ITPRIP: variants seen among roughly 807,000 people sequenced by gnomAD.
ITPRIP encodes the protein inositol 1,4,5-trisphosphate receptor-interacting protein.
ITPRIP carries 32 observed loss-of-function variants against 35.8 expected under a neutral mutation model. The ratio of observed to expected loss-of-function variants is 0.89; its 90% confidence interval spans 0.68 to 1.20. ITPRIP has a LOEUF of 1.20. ITPRIP is among the 50% of genes most tolerant of loss of function. The pLI is 0.00. For synonymous variants in ITPRIP, 358 were observed against 324.0 expected, an observed-to-expected ratio of 1.11 and a Z score of -1.13; for missense variants, 653 against 735.6, an observed-to-expected ratio of 0.89 and a Z score of 1.30.
At chr10:104,325,037 G>A (rs953054824) in intron 1 of ITPRIP, among the ~76,000 whole-genome samples, 3 of 152,140 alleles carry the variant, frequency 2.0e-5, no homozygotes, top group African/African-American at 4.8e-5. Flanking sequence ...TGGCAACATG[G>A]CGAAGCCCCG....
rs1451276483 is a variant in ITPRIP, at chr10:104,315,600, C to T, written c.452G>A (p.Arg151Gln). ...ACGGGCTGCATCGGCCGTGGCCCCCCGGATGCAGCGCTCATAAAAGTGGCC... is the reference window on the plus strand; with the variant it reads ...ACGGGCTGCATCGGCCGTGGCCCCCTGGATGCAGCGCTCATAAAAGTGGCC... ...TLGHFYERCI[R>Q]GATADAARTR... is the part of the protein sequence containing the mutation. The change falls in exon 2 of 2, where the codon CGG (arginine) becomes CAG (glutamine). Residue 151 changes from arginine to glutamine, a missense_variant. Physicochemically the swap from Arg to Gln is conservative, Grantham distance 43. Coordinates refer to ENST00000337478, the MANE Select transcript of ITPRIP (RefSeq NM_001272013.2). The surrounding 1 kb of genome is among the most constrained non-coding windows in gnomAD (Gnocchi z 5.7). 9 of 1,613,402 alleles carry T rather than the reference C, an allele frequency of 5.6e-6. No individual in the cohort carries two copies. The highest frequency in any genetic ancestry group is 2.2e-5 in the East Asian group (1 of 44,874).
At position 104,314,890 on chromosome 10, in the gene ITPRIP, C is replaced by T; in HGVS notation, c.1162G>A (p.Glu388Lys). 1 of 1,613,674 alleles carries T rather than the reference C, an allele frequency of 6.2e-7. No homozygotes were observed. The highest frequency in any genetic ancestry group is 1.3e-5 in the African/African-American group (1 of 75,040). ...TDWLLSFAVY[E>K]RHFLRTTLKA... ...AGTGTCGTCCTGAGGAAGTGTCGCT[C>T]ATAGACAGCAAAGGACAGGAGCCAG... is the stretch of plus-strand genomic sequence containing the variant. Residue 388 changes from glutamate to lysine, a missense_variant, in exon 2 of 2, where the codon GAG (glutamate) becomes AAG (lysine). Transcript: ENST00000337478.
chr10:104,330,890 A>G (rs1230366368), intron 1 of ITPRIP, among the ~76,000 whole-genome samples: 1 of 152,180 alleles, frequency 6.6e-6, no homozygotes, highest in Non-Finnish European at 1.5e-5. Flanking sequence ...TACTCTTCCC[A>G]TGAAGCCACG....
chr10:104,336,540 G>A (rs1011938477), intron 1 of ITPRIP, among the ~76,000 whole-genome samples: 1 of 151,352 alleles, frequency 6.6e-6, no homozygotes, highest in Non-Finnish European at 1.5e-5. Flanking sequence ...TTAAAGACAG[G>A]GTCTGAACTC....
rs1226375581 is a variant in ITPRIP at position 104,328,363 on chromosome 10, G to A, written c.-14+9883C>T. ...GAGCATGAATACCCACCTTGGGGCA[G>A]GACATGCCAGAGTTCCCAAGAGTCG... On this transcript the variant is annotated intron_variant, in intron 1 of 1. Transcript: ENST00000337478. The surrounding 1 kb of genome is among the most constrained non-coding windows in gnomAD (Gnocchi z 4.1). 3 of 870,094 alleles carry A rather than the reference G, an allele frequency of 3.4e-6. No individual in the cohort carries two copies. The highest frequency in any genetic ancestry group is 4.1e-6 in the Non-Finnish European group (3 of 724,974). 53.9% of individuals were successfully genotyped at this position (870,094 alleles called of 1,614,324 possible).
rs775086839 is a variant in ITPRIP, at chr10:104,313,400, T to C, written c.*1008A>G. The C allele has an allele frequency of 1.1e-5, 11 of 986,188 alleles. No homozygotes were observed. Among genetic ancestry groups the C allele is most frequent in the Non-Finnish European group, 1.3e-5 (11 of 830,252 alleles). The allele number at this position is 986,188 out of a possible 1,614,324, so 61.1% of individuals were successfully genotyped here. On this transcript the variant is annotated 3_prime_UTR_variant, in exon 2 of 2. Transcript: ENST00000337478. Reference sequence around the variant, plus strand: ...GCCAGAAGAGGTTGAGAGGCTTGGCTCTGCGCACAGCCTCTGGGAGTGCCA... The same window carrying C: ...GCCAGAAGAGGTTGAGAGGCTTGGCCCTGCGCACAGCCTCTGGGAGTGCCA...
intron 1 of ITPRIP, among the ~76,000 whole-genome samples, chr10:104,330,542 AC>A (rs2014128902): frequency 6.6e-6 from 1 of 152,058 alleles, no homozygotes; most frequent in Non-Finnish European, 1.5e-5. Flanking sequence ...TGCCGTGGAC[AC>A]CTCCCTTCTT....
At chr10:104,318,604 G>A (rs2013753035) in intron 1 of ITPRIP, among the ~76,000 whole-genome samples, 1 of 152,204 alleles carries the variant, frequency 6.6e-6, no homozygotes, top group African/African-American at 2.4e-5. Context: ...GCCAGAGGAG[G>A]AGGAGCTGTA....
Position 104,326,146 on chromosome 10 carries a change from C to T in ITPRIP, c.-13-10082G>A, listed in dbSNP as rs276223. Among the ~76,000 whole-genome samples the T allele has an allele frequency of 0.1, 15,939 of 152,226 alleles. 1,799 individuals carry two copies. The highest frequency in any genetic ancestry group is 0.28 in the African/African-American group (11,817 of 41,502). The stretch of plus-strand genomic sequence containing the variant: ...ATTAAGTGCTCTCAAGGCCCACTCT[C>T]GGGAGAGGGAGCGGTTTCAAGAAGT... On this transcript the variant is annotated intron_variant, in intron 1 of 1. Transcript: ENST00000337478. The surrounding 1 kb of genome is among the most constrained non-coding windows in gnomAD (Gnocchi z 4.8).
At chr10:104,322,102 G>A (rs1233048580) in intron 1 of ITPRIP, among the ~76,000 whole-genome samples, 1 of 152,146 alleles carries the variant, frequency 6.6e-6, no homozygotes, top group South Asian at 2.1e-4. Flanking sequence ...AGAGGAGGGA[G>A]GGAGCTTCCT....
At chr10:104,335,099 CT>C (rs2014212398) in intron 1 of ITPRIP, among the ~76,000 whole-genome samples, 6 of 152,204 alleles carry the variant, frequency 3.9e-5, no homozygotes, top group Non-Finnish European at 7.3e-5. Flanking sequence ...GAGCAATCTG[CT>C]GGGCACCAGC....
chr10:104,312,721 G>A lies in ITPRIP; in HGVS notation c.*1687C>T. 1 of 985,342 alleles carries A rather than the reference G, an allele frequency of 1.0e-6. No individual in the cohort carries two copies. The highest frequency in any genetic ancestry group is 1.2e-6 in the Non-Finnish European group (1 of 829,940). 61.0% of individuals were successfully genotyped at this position (985,342 alleles called of 1,614,324 possible). ...AGGAATTAACCCTGGTGGGCAAAGGGTCCATCTTCTCAAGCTTTCTGAGGC... is the reference window on the plus strand; with the variant it reads ...AGGAATTAACCCTGGTGGGCAAAGGATCCATCTTCTCAAGCTTTCTGAGGC... On this transcript the variant is annotated 3_prime_UTR_variant, in exon 2 of 2. Transcript: ENST00000337478.
Position 104,315,805 on chromosome 10 carries a change from G to T in ITPRIP, c.247C>A (p.Arg83Ser), listed in dbSNP as rs756046738. 6.2e-7 allele frequency: 1 copy of T among 1,613,594 alleles called. No homozygotes were observed. The highest frequency in any genetic ancestry group is 1.7e-5 in the Admixed American group (1 of 60,004). Reference sequence around the variant, plus strand: ...GTGCTCCAGAGGTCCCAGGCCACGCGTGTCTCGTTCTGCTGCCTGCCCTCC... The same window carrying T: ...GTGCTCCAGAGGTCCCAGGCCACGCTTGTCTCGTTCTGCTGCCTGCCCTCC... ...AEEGRQQNET[R>S]VAWDLWSTLC... is the part of the protein sequence containing the mutation. The change falls in exon 2 of 2, where the codon CGC becomes AGC. Residue 83 changes from arginine (R) to serine (S), a missense_variant. Physicochemically the swap from Arg to Ser is moderately radical, Grantham distance 110. Transcript: ENST00000337478. This position sits in a 1 kb window ranked among gnomAD's most constrained non-coding sequence, Gnocchi z 5.7.
chr10:104,328,369 G>T lies in ITPRIP; in HGVS notation c.-14+9877C>A, dbSNP rs1039262494. The T allele has an allele frequency of 4.8e-6, 4 of 829,532 alleles. No homozygotes were observed. The highest frequency in any genetic ancestry group is 5.8e-6 in the Non-Finnish European group (4 of 688,010). 51.4% of individuals were successfully genotyped at this position (829,532 alleles called of 1,614,324 possible). A position where few individuals can be genotyped will look rare whatever the true frequency, so the allele number is the denominator to read the frequency against. ...GAATACCCACCTTGGGGCAGGACATGCCAGAGTTCCCAAGAGTCGTCCCCT... is the reference window on the plus strand; with the variant it reads ...GAATACCCACCTTGGGGCAGGACATTCCAGAGTTCCCAAGAGTCGTCCCCT... On this transcript the variant is annotated intron_variant, in intron 1 of 1. Coordinates refer to ENST00000337478, the MANE Select transcript of ITPRIP (RefSeq NM_001272013.2). This position sits in a 1 kb window ranked among gnomAD's most constrained non-coding sequence, Gnocchi z 4.1.
chr10:104,337,540 G>T (rs1455676150), intron 1 of ITPRIP, among the ~76,000 whole-genome samples: 12 of 151,928 alleles, frequency 7.9e-5, no homozygotes, highest in Admixed American at 6.6e-4. Flanking sequence ...TGGATGGGGA[G>T]TCCCGCCCCG....
At chr10:104,337,032 G>A (rs2014250072) in intron 1 of ITPRIP, among the ~76,000 whole-genome samples, 1 of 152,162 alleles carries the variant, frequency 6.6e-6, no homozygotes, top group African/African-American at 2.4e-5. Context: ...CAGAGCAGCC[G>A]CAACATACAG....
intron 1 of ITPRIP, among the ~76,000 whole-genome samples, chr10:104,324,775 G>A (rs745924523): frequency 1.3e-5 from 2 of 152,214 alleles, no homozygotes; most frequent in Admixed American, 1.3e-4. Context: ...CACATGCTTC[G>A]TCTGAAGGGG....
chr10:104,325,626 T>C (rs1194481465), intron 1 of ITPRIP, among the ~76,000 whole-genome samples: 1 of 152,236 alleles, frequency 6.6e-6, no homozygotes, highest in Non-Finnish European at 1.5e-5. Context: ...TGGGTTGGCA[T>C]CCTGGTGACT....
chr10:104,324,077 G>A (rs533828655), intron 1 of ITPRIP: 1 of 152,736 alleles, frequency 6.5e-6, no homozygotes, highest in African/African-American at 2.4e-5. Flanking sequence ...GTGGCAGATA[G>A]AGCTGGGGAG....
Sources: allele counts gnomAD v4.1 joint callset (sites outside exome capture counted in the v4.1 genomes callset), GRCh38; gene constraint gnomAD v4.1.1; non-coding constraint Gnocchi (gnomAD v3.1); transcripts MANE v1.5; gene names NCBI Gene and HGNC (gene_info 2026-07-23, HGNC 2026-07-21).